The following CWH43 variants were observed in gnomAD, a reference collection of about 807,000 sequenced individuals.
The protein encoded by CWH43 is cell wall biogenesis 43 C-terminal homolog.
CWH43 carries 91 observed loss-of-function variants against 85.7 expected under a neutral mutation model. The observed-to-expected ratio is 1.06, with a 90% confidence interval of 0.90 to 1.26. The LOEUF is 1.26. Ranked by LOEUF, CWH43 falls within the 50% of genes most tolerant of loss-of-function variation. The pLI is 0.00. For missense variants in CWH43, 869 were observed against 839.2 expected, an observed-to-expected ratio of 1.04 and a Z score of -0.44; for synonymous variants, 323 against 293.6, an observed-to-expected ratio of 1.10 and a Z score of -1.02.
intron 8 of CWH43, among the ~76,000 whole-genome samples, chr4:49,010,814 A>T (rs1386319654): frequency 1.3e-5 from 2 of 152,158 alleles, no homozygotes; most frequent in Non-Finnish European, 2.9e-5. Flanking sequence ...CCTGAATTCT[A>T]ATTTCATTGC....
At chr4:49,027,218 T>C (rs2109799976) in intron 9 of CWH43, among the ~76,000 whole-genome samples, 1 of 152,266 alleles carries the variant, frequency 6.6e-6, no homozygotes, top group Middle Eastern at 3.4e-3. Context: ...TGGAGATAAA[T>C]GGATAGACTT....
chr4:49,040,430 T>C (rs1479801625), intron 13 of CWH43, among the ~76,000 whole-genome samples: 1 of 152,222 alleles, frequency 6.6e-6, no homozygotes, highest in Non-Finnish European at 1.5e-5. Context: ...TTTTTAATGA[T>C]AGCCATTCTA....
intron 11 of CWH43, 81 bp downstream of exon 11, chr4:49,031,041 G>A: frequency 2.3e-6 from 3 of 1,332,716 alleles, no homozygotes; most frequent in South Asian, 1.7e-5. Flanking sequence ...AGTTGATATT[G>A]TAATATCTTT....
At chr4:49,055,787 G>A (rs1328972187) in intron 15 of CWH43, among the ~76,000 whole-genome samples, 8 of 152,030 alleles carry the variant, frequency 5.3e-5, no homozygotes, top group African/African-American at 9.6e-5. Context: ...ATAGGGTTTC[G>A]CCATGTTGGC....
chr4:48,987,817 C>T (rs1262511706), intron 1 of CWH43, among the ~76,000 whole-genome samples: 2 of 152,178 alleles, frequency 1.3e-5, no homozygotes, highest in Non-Finnish European at 1.5e-5. Context: ...AAATGGTCTA[C>T]TCAAGGGAAC....
intron 14 of CWH43, among the ~76,000 whole-genome samples, chr4:49,047,975 G>A (rs1039527160): frequency 2.6e-5 from 4 of 152,120 alleles, no homozygotes; most frequent in Non-Finnish European, 5.9e-5. Context: ...ACTATAATTT[G>A]GTGTTTCCAA....
At chr4:48,999,957 G>A (rs1398141961) in intron 6 of CWH43, among the ~76,000 whole-genome samples, 2 of 152,048 alleles carry the variant, frequency 1.3e-5, no homozygotes, top group Non-Finnish European at 2.9e-5. Flanking sequence ...AGAGGAGGGA[G>A]CATTGAACTT....
chr4:49,059,965 C>T (rs1033995648), intron 15 of CWH43, among the ~76,000 whole-genome samples: 9 of 152,120 alleles, frequency 5.9e-5, no homozygotes, highest in South Asian at 2.1e-4. Flanking sequence ...CCTAGGCCTC[C>T]TATGTTAAAC....
chr4:49,030,986 C>T (rs778221302), intron 11 of CWH43, 26 bp downstream of exon 11: 90 of 1,543,264 alleles, frequency 5.8e-5, no homozygotes, highest in South Asian at 3.4e-4. Flanking sequence ...GAGTTAATCC[C>T]GAAGATAGTC....
intron 4 of CWH43, among the ~76,000 whole-genome samples, chr4:48,993,736 G>T (rs1012640019): frequency 6.6e-6 from 1 of 152,012 alleles, no homozygotes; most frequent in Non-Finnish European, 1.5e-5. Context: ...ACTTGGAAAG[G>T]CTACCTGATC....
chr4:48,996,892 C>A (rs1489238160), intron 5 of CWH43, among the ~76,000 whole-genome samples: 2 of 152,160 alleles, frequency 1.3e-5, no homozygotes, highest in Non-Finnish European at 2.9e-5. Context: ...CTCACAAGAC[C>A]AGCATTTCCC....
intron 7 of CWH43, among the ~76,000 whole-genome samples, chr4:49,006,385 A>C (rs1669772850): frequency 6.6e-6 from 1 of 152,226 alleles, no homozygotes; most frequent in South Asian, 2.1e-4. Context: ...AAAGCCAAGA[A>C]ATGTTGGTAA....
At position 49,061,772 on chromosome 4, in the gene CWH43, T is replaced by A. The variant is rs1029217166; in HGVS notation, c.2022-40T>A. ...AGAACATACCTTTCTGAATGGTTTT[T>A]ACATGCCAATAACTTTTTATTTATT... On this transcript the variant is annotated intron_variant, in intron 15 of 15. Transcript: ENST00000226432. 3.2e-5 allele frequency: 41 copies of A among 1,280,772 alleles called. No individual in the cohort carries two copies. The Middle Eastern group carries it at 1.4e-3, about 44-fold the overall frequency. The allele number at this position is 1,280,772 out of a possible 1,614,324, so 79.3% of individuals were successfully genotyped here. A position where few individuals can be genotyped will look rare whatever the true frequency, so the allele number is the denominator to read the frequency against.
intron 13 of CWH43, among the ~76,000 whole-genome samples, chr4:49,044,420 T>A (rs572589906): frequency 1.3e-5 from 2 of 152,270 alleles, no homozygotes; most frequent in African/African-American, 2.4e-5. Flanking sequence ...AACTAGTGTG[T>A]GTAAAGTACT....
intron 5 of CWH43, among the ~76,000 whole-genome samples, chr4:48,998,110 G>A (rs1221431027): frequency 1.3e-5 from 2 of 152,156 alleles, no homozygotes; most frequent in East Asian, 3.8e-4. Context: ...AGAAAAAAAA[G>A]CAAACTAAAT....
chr4:48,988,340 G>GAAA, intron 1 of CWH43, 137 bp from the exon 2 acceptor site: 1 of 509,034 alleles, frequency 2.0e-6, no homozygotes, highest in Non-Finnish European at 3.3e-6. Flanking sequence ...TGTCAGTGGA[G>GAAA]ACAACTGGAA....
chr4:49,028,252 C>T (rs1477004820), intron 9 of CWH43, among the ~76,000 whole-genome samples: 2 of 151,992 alleles, frequency 1.3e-5, no homozygotes, highest in Admixed American at 6.6e-5. Context: ...TCCTTGTGGA[C>T]CTATGTAGCC....
intron 13 of CWH43, among the ~76,000 whole-genome samples, chr4:49,038,840 C>T (rs1200008821): frequency 9.2e-5 from 14 of 151,790 alleles, no homozygotes; most frequent in Non-Finnish European, 2.1e-4. Context: ...GGGCGGATCA[C>T]GAGGTCAGGA....
In CWH43 at chr4:48,998,553, G is replaced by A; in HGVS notation, c.802+5G>A. 6.2e-7 allele frequency: 1 copy of A among 1,604,986 alleles called. No homozygotes were observed. Among genetic ancestry groups the A allele is most frequent in the Non-Finnish European group, 8.5e-7 (1 of 1,171,728 alleles). ...GTTTGATCTGGTGGGTTACAGGTAT[G>A]TGGAATTTACCTGCAGATAGAACAC... On this transcript the variant is annotated splice_donor_5th_base_variant and intron_variant, in intron 6 of 15. Coordinates refer to ENST00000226432, the MANE Select transcript of CWH43 (RefSeq NM_025087.3).
Sources: gnomAD v4.1 joint callset for allele counts (sites outside exome capture counted in the v4.1 genomes callset) on GRCh38, gnomAD v4.1.1 for gene constraint, MANE v1.5 for transcripts, NCBI Gene and HGNC (gene_info 2026-07-23, HGNC 2026-07-21) for gene names.